Variants in SPACA7 observed in about 807,000 individuals in gnomAD.
SPACA7 encodes the protein sperm acrosome-associated protein 7.
In SPACA7, 19 loss-of-function variants were observed where a neutral mutation model predicts 26.3. The ratio of observed to expected loss-of-function variants is 0.72; its 90% confidence interval spans 0.50 to 1.06. The LOEUF (loss-of-function observed/expected upper bound fraction) is 1.06. Among genes scored for constraint, SPACA7 ranks in the 50% least tolerant of loss-of-function variants. The probability of loss-of-function intolerance (pLI) is 0.00; values close to 1 mark genes in which losing one functional copy is unlikely to be tolerated. For missense variants in SPACA7, 211 were observed against 229.9 expected (o/e 0.92, Z 0.53); for synonymous variants, 84 against 84.5 (o/e 0.99, Z 0.04).
intron 5 of SPACA7, among the ~76,000 whole-genome samples, chr13:112,402,208 C>T (rs1357259214): frequency 6.6e-6 from 1 of 152,076 alleles, no homozygotes; most frequent in African/African-American, 2.4e-5. Context: ...ATGTCATTTC[C>T]TATCTTTCAG....
rs924629119 is a variant in SPACA7, at chr13:112,413,259, A to G, written c.445+12095A>G. The stretch of plus-strand genomic sequence containing the variant: ...TTCTTTTCAGCCTTTCTTGTAAGAC[A>G]GGTCTGGTGGATGTGAATTCTCTCG... On this transcript the variant is annotated intron_variant, in intron 5 of 6. Transcript: ENST00000283550. Among the ~76,000 whole-genome samples, 7 of 152,232 alleles carry G rather than the reference A, an allele frequency of 4.6e-5. No homozygotes were observed. The South Asian group carries it at 6.2e-4, about 14-fold the overall frequency.
intron 5 of SPACA7, among the ~76,000 whole-genome samples, chr13:112,411,162 C>T (rs1886325201): frequency 6.9e-6 from 1 of 144,316 alleles, no homozygotes; most frequent in Admixed American, 6.7e-5. Flanking sequence ...TATTCCTGTT[C>T]TTTAAATTAT....
At chr13:112,376,725 T>C (rs988669841) in intron 1 of SPACA7, among the ~76,000 whole-genome samples, 9 of 152,188 alleles carry the variant, frequency 5.9e-5, no homozygotes, top group African/African-American at 1.9e-4. Context: ...CTGGGAAGAA[T>C]ATCATGAACC....
At chr13:112,393,585 G>T (rs1262816821) in intron 2 of SPACA7, among the ~76,000 whole-genome samples, 2 of 152,270 alleles carry the variant, frequency 1.3e-5, no homozygotes, top group Non-Finnish European at 2.9e-5. Context: ...GTGCTGGTTT[G>T]GCTGAGCCTG....
At chr13:112,412,647 G>A (rs142297535) in intron 5 of SPACA7, among the ~76,000 whole-genome samples, 1 of 152,218 alleles carries the variant, frequency 6.6e-6, no homozygotes, top group East Asian at 1.9e-4. Flanking sequence ...GTGAGAGATA[G>A]GGGTCAAGTT....
At chr13:112,391,287 A>T (rs778539035) in intron 1 of SPACA7, among the ~76,000 whole-genome samples, 2 of 152,220 alleles carry the variant, frequency 1.3e-5, no homozygotes, top group Non-Finnish European at 2.9e-5. Flanking sequence ...CACGAGGAAC[A>T]TTGGGTTTCC....
intron 6 of SPACA7, among the ~76,000 whole-genome samples, chr13:112,434,184 G>T (rs1233283645): frequency 6.6e-6 from 1 of 152,192 alleles, no homozygotes; most frequent in Non-Finnish European, 1.5e-5. Context: ...CCGCCATGAG[G>T]GGAGGAGGAG....
chr13:112,382,453 C>T, intron 1 of SPACA7: 1 of 1,550,284 alleles, frequency 6.5e-7, no homozygotes, highest in Non-Finnish European at 8.7e-7. Context: ...GCTGTCAATG[C>T]TCTGGCTTCT....
intron 3 of SPACA7, among the ~76,000 whole-genome samples, chr13:112,398,755 A>G (rs1033424855): frequency 1.1e-4 from 16 of 152,330 alleles, no homozygotes; most frequent in Admixed American, 7.8e-4. Context: ...AAATCCCCAC[A>G]CAGTGCATGA....
chr13:112,378,796 C>T, intron 1 of SPACA7: 5 of 469,542 alleles, frequency 1.1e-5, no homozygotes, highest in South Asian at 6.2e-5. Context: ...ACCTCTGATT[C>T]TATGTATCAA....
intron 5 of SPACA7, among the ~76,000 whole-genome samples, chr13:112,427,044 G>A (rs1354052566): frequency 6.6e-6 from 1 of 152,202 alleles, no homozygotes; most frequent in African/African-American, 2.4e-5. Context: ...TTGGGTTGAA[G>A]AAGTTGCCTT....
intron 5 of SPACA7, among the ~76,000 whole-genome samples, chr13:112,430,166 C>CTGTG (rs1328761003): frequency 7.4e-6 from 1 of 134,504 alleles, no homozygotes; most frequent in African/African-American, 2.8e-5. Context: ...TCCCTTGCAT[C>CTGTG]TCTCTCTCTG....
intron 5 of SPACA7, among the ~76,000 whole-genome samples, chr13:112,430,208 G>GTGTGTGTC (rs1381101871): frequency 6.6e-6 from 1 of 151,294 alleles, no homozygotes; most frequent in African/African-American, 2.4e-5. Context: ...GTGTGTGTGT[G>GTGTGTGTC]TCTCACTCTG....
chr13:112,381,803 G>A (rs1288452180), intron 1 of SPACA7, among the ~76,000 whole-genome samples: 5 of 152,122 alleles, frequency 3.3e-5, no homozygotes, highest in African/African-American at 4.8e-5. Context: ...GTCAGTTCCC[G>A]GGTGGGGGCC....
At chr13:112,391,473 G>A (rs919518809) in intron 1 of SPACA7, among the ~76,000 whole-genome samples, 9 of 152,196 alleles carry the variant, frequency 5.9e-5, no homozygotes, top group African/African-American at 1.9e-4. Context: ...AAATTAACCA[G>A]AATGAAGTCT....
chr13:112,427,014 T>C (rs888717797), intron 5 of SPACA7, among the ~76,000 whole-genome samples: 2 of 152,196 alleles, frequency 1.3e-5, no homozygotes, highest in Non-Finnish European at 2.9e-5. Flanking sequence ...GCTGCAGGGA[T>C]TTTTTATACA....
chr13:112,383,092 A>AC (rs1566452668), intron 1 of SPACA7, among the ~76,000 whole-genome samples: 36 of 58,682 alleles, frequency 6.1e-4, no homozygotes, highest in African/African-American at 1.7e-3. Context: ...AAAAGAAAGA[A>AC]AGAAAGAAGA....
chr13:112,389,318 C>G (rs1479624939), intron 1 of SPACA7, among the ~76,000 whole-genome samples: 3 of 152,172 alleles, frequency 2.0e-5, no homozygotes, highest in African/African-American at 7.2e-5. Context: ...CACTATAACA[C>G]CAAATAAAGC....
intron 5 of SPACA7, among the ~76,000 whole-genome samples, chr13:112,422,827 C>A (rs1252880046): frequency 1.3e-5 from 2 of 152,212 alleles, no homozygotes; most frequent in Non-Finnish European, 2.9e-5. Flanking sequence ...AGAAGCAAAT[C>A]TGACTGATTT....
Sources: allele counts gnomAD v4.1 joint callset (sites outside exome capture counted in the v4.1 genomes callset), GRCh38; gene constraint gnomAD v4.1.1; transcripts MANE v1.5; gene names NCBI Gene and HGNC (gene_info 2026-07-23, HGNC 2026-07-21).